The following MTMR9 variants were observed in gnomAD, a reference collection of about 807,000 sequenced individuals.
MTMR9 encodes the protein myotubularin-related protein 9.
In MTMR9, 39 loss-of-function variants were observed where a neutral mutation model predicts 69.5. The observed-to-expected ratio is 0.56, with a 90% CI of 0.43 to 0.73. MTMR9 has a LOEUF of 0.73. Among genes scored for constraint, MTMR9 ranks in the 30% least tolerant of loss-of-function variants. The pLI, the probability that MTMR9 is intolerant of heterozygous loss-of-function variation, is 0.00. For synonymous variants in MTMR9, 354 were observed against 240.8 expected (o/e 1.47, Z -4.35); for missense variants, 900 against 671.2 (o/e 1.34, Z -3.77).
chr8:11,320,233 G>A (rs1240962466), intron 9 of MTMR9: 1 of 161,792 alleles, frequency 6.2e-6, no homozygotes, highest in Non-Finnish European at 1.3e-5. Flanking sequence ...TGGTATTAAA[G>A]AGTTACATGG....
intron 1 of MTMR9, among the ~76,000 whole-genome samples, chr8:11,288,091 ATAAT>A (rs1392487533): frequency 7.6e-6 from 1 of 131,328 alleles, no homozygotes; most frequent in Non-Finnish European, 1.6e-5. Context: ...TATAATATAT[ATAAT>A]TATTCACCTA....
At chr8:11,299,971 G>A in intron 2 of MTMR9, 52 bp from the exon 3 acceptor site, 1 of 1,583,600 alleles carries the variant, frequency 6.3e-7, no homozygotes, top group Non-Finnish European at 8.6e-7. Context: ...GTTAGAATAT[G>A]TTTCCAGTTG....
chr8:11,305,920 G>C (rs1335872705), intron 4 of MTMR9, among the ~76,000 whole-genome samples: 1 of 152,146 alleles, frequency 6.6e-6, no homozygotes, highest in Non-Finnish European at 1.5e-5. Flanking sequence ...CACACTAAAT[G>C]AATTGCAATA....
the MTMR9 span, among the ~76,000 whole-genome samples, chr8:11,337,910 C>T: frequency 3.3e-5 from 5 of 152,206 alleles, no homozygotes; most frequent in Non-Finnish European, 7.3e-5. Flanking sequence ...CACCACCTCT[C>T]AAGGATTCTA....
chr8:11,286,904 G>T (rs947482626), intron 1 of MTMR9, among the ~76,000 whole-genome samples: 7 of 151,882 alleles, frequency 4.6e-5, no homozygotes, highest in South Asian at 4.2e-4. Context: ...GTATTTTATT[G>T]ACTTCTTCCT....
At position 11,300,192 on chromosome 8, in the gene MTMR9, A is replaced by G. The variant is rs1366774366; in HGVS notation, c.417+44A>G. On this transcript the variant is annotated intron_variant, in intron 3 of 9. Transcript: ENST00000221086. ...ACTGTGGATTATGAGAAGTAACCCA[A>G]TACCTTATTTGACTTGTGAAAATGA... is the stretch of plus-strand genomic sequence containing the variant. 6 of 1,600,220 alleles carry G rather than the reference A, an allele frequency of 3.7e-6. No homozygotes were observed. In the African/African-American group the frequency reaches 4.0e-5, roughly 11 times the overall value.
In MTMR9 at chr8:11,322,851, G is replaced by T; in HGVS notation, c.*63G>T. On this transcript the variant is annotated 3_prime_UTR_variant, in exon 10 of 10. Coordinates refer to ENST00000221086, the MANE Select transcript of MTMR9 (RefSeq NM_015458.4). The stretch of plus-strand genomic sequence containing the variant: ...CCTGTGTCCGCCGTTCTCTCCTTGT[G>T]CCCTTCAGTTCACTTTTACACGGTA... 1 of 1,494,908 alleles carries T rather than the reference G, an allele frequency of 6.7e-7. No homozygotes were observed. 92.6% of individuals were successfully genotyped at this position (1,494,908 alleles called of 1,614,324 possible).
At chr8:11,316,644 T>C in intron 7 of MTMR9, 29 bp from the exon 8 acceptor site, 2 of 1,496,492 alleles carry the variant, frequency 1.3e-6, no homozygotes, top group South Asian at 1.3e-5. Flanking sequence ...CACCAGGATA[T>C]GACTGTCACG....
intron 3 of MTMR9, among the ~76,000 whole-genome samples, chr8:11,303,025 A>G (rs1451571733): frequency 6.6e-6 from 1 of 151,786 alleles, no homozygotes; most frequent in African/African-American, 2.4e-5. Context: ...TATTCTAAAG[A>G]TGTAAGTCAT....
chr8:11,305,175 G>A (rs1054481964), intron 4 of MTMR9, among the ~76,000 whole-genome samples, 161 bp downstream of exon 4: 1 of 152,140 alleles, frequency 6.6e-6, no homozygotes, highest in Non-Finnish European at 1.5e-5. Context: ...CAGGAGTAGG[G>A]TGTTTTCTGT....
intron 7 of MTMR9, 73 bp downstream of exon 7, chr8:11,315,137 A>G: frequency 6.5e-7 from 1 of 1,537,058 alleles, no homozygotes; most frequent in Non-Finnish European, 8.9e-7. Flanking sequence ...GGTAGCTGAC[A>G]TAATGTGTGA....
At chr8:11,292,007 C>A (rs1344134104) in intron 1 of MTMR9, among the ~76,000 whole-genome samples, 1 of 152,130 alleles carries the variant, frequency 6.6e-6, no homozygotes, top group African/African-American at 2.4e-5. Flanking sequence ...ATGAATTTAT[C>A]ACCCCCATAA....
In MTMR9 at chr8:11,320,276, A is replaced by G. The variant is rs58249744; in HGVS notation, c.1486+438A>G. ...TTCCAGTAAGTTTCTATAAATGGGC[A>G]CAAAATACCATCAGTGCAGTAACAC... On this transcript the variant is annotated intron_variant, in intron 9 of 9. Transcript: ENST00000221086. The G allele has an allele frequency of 5.4e-3, 840 of 155,690 alleles. 7 individuals are homozygous for G. Among genetic ancestry groups the G allele is most frequent in the African/African-American group, 0.019 (802 of 41,632 alleles). 9.6% of individuals were successfully genotyped at this position (155,690 alleles called of 1,614,324 possible).
the MTMR9 span, among the ~76,000 whole-genome samples, chr8:11,335,858 C>T: frequency 6.6e-6 from 1 of 152,108 alleles, no homozygotes; most frequent in South Asian, 2.1e-4. Context: ...ACCCTAATGA[C>T]CTCATCTCAA....
chr8:11,311,416 G>A (rs963780531), intron 6 of MTMR9, among the ~76,000 whole-genome samples: 2 of 152,146 alleles, frequency 1.3e-5, no homozygotes, highest in African/African-American at 4.8e-5. Flanking sequence ...TTGCAGGTTT[G>A]GTTCCAGAAA....
At chr8:11,290,863 GT>G (rs1342970064) in intron 1 of MTMR9, among the ~76,000 whole-genome samples, 5,119 of 115,400 alleles carry the variant, frequency 0.044, 308 homozygotes, top group Admixed American at 0.19. Flanking sequence ...CCCCGCTTTC[GT>G]TTTTTTTTTT....
In MTMR9 at chr8:11,285,034, G is replaced by T; in HGVS notation, c.146G>T (p.Trp49Leu). The change falls in exon 1 of 10, where the codon TGG becomes TTG. Residue 49 changes from tryptophan (W) to leucine (L), a missense_variant. By Grantham distance (61) the Trp-to-Leu change is moderately conservative. Transcript: ENST00000221086. ...SSRQDNTEEL[W>L]LLHSNIDAID... ...CGGCAGGACAATACGGAGGAGCTGT[G>T]GCTCCTCCATTCAAACATCGACGCC... 6.2e-7 allele frequency: 1 copy of T among 1,611,784 alleles called. No homozygotes were observed. The highest frequency in any genetic ancestry group is 2.2e-5 in the East Asian group (1 of 44,664).
At position 11,300,008 on chromosome 8, in the gene MTMR9, T is replaced by G; in HGVS notation, c.292-15T>G. The G allele has an allele frequency of 6.2e-7, 1 of 1,600,344 alleles. No homozygotes were observed. The highest frequency in any genetic ancestry group is 1.1e-5 in the South Asian group (1 of 87,862). ...GGATGTTTCTTTTTTGTCTTTCTTT[T>G]CTTTTTGCCCCCAGGCATTGTCTAC... On this transcript the variant is annotated splice_polypyrimidine_tract_variant and intron_variant, in intron 2 of 9. Transcript: ENST00000221086.
downstream of MTMR9, chr8:11,331,953 T>G (rs1801250538): frequency 6.2e-7 from 1 of 1,611,992 alleles, no homozygotes; most frequent in Non-Finnish European, 8.5e-7. Flanking sequence ...TGCCCTGGTG[T>G]GCGCTGTCCT....
Sources: allele counts gnomAD v4.1 joint callset (sites outside exome capture counted in the v4.1 genomes callset), GRCh38; gene constraint gnomAD v4.1.1; transcripts MANE v1.5; gene names NCBI Gene and HGNC (gene_info 2026-07-23, HGNC 2026-07-21).